The following KIAA1217 variants were observed in gnomAD, a reference collection of about 807,000 sequenced individuals.
KIAA1217 encodes the protein KIAA1217.
KIAA1217 carries 88 observed loss-of-function variants against 163.9 expected under a neutral mutation model. The observed-to-expected ratio is 0.54, with a 90% CI of 0.45 to 0.64. The LOEUF (loss-of-function observed/expected upper bound fraction) is 0.64, where lower values mean the gene tolerates loss of function less well. KIAA1217 is among the 30% of genes least tolerant of loss of function. KIAA1217 has a pLI of 0.00. For missense variants in KIAA1217, 2,372 were observed against 2,475.0 expected, an observed-to-expected ratio of 0.96 and a Z score of 0.88; for synonymous variants, 903 against 923.1, an observed-to-expected ratio of 0.98 and a Z score of 0.39.
chr10:24,531,698 A>C, intron 14 of KIAA1217, 132 bp from the exon 15 acceptor site: 1 of 834,314 alleles, frequency 1.2e-6, no homozygotes, highest in Non-Finnish European at 1.8e-6. Context: ...GGGTCTATAC[A>C]CTTAATCCTT....
chr10:24,128,222 T>G (rs2063534730), intron 2 of KIAA1217, among the ~76,000 whole-genome samples: 1 of 152,178 alleles, frequency 6.6e-6, no homozygotes, highest in Admixed American at 6.5e-5. Context: ...GGCAATAATC[T>G]CTTCCAAAAC....
chr10:23,725,020 C>T (rs529614772), intron 1 of KIAA1217, among the ~76,000 whole-genome samples: 54 of 152,300 alleles, frequency 3.5e-4, no homozygotes, highest in African/African-American at 1.2e-3. Context: ...AGCCTCCCTA[C>T]ACCCAAAACT....
At chr10:23,947,219 A>G (rs1844094834) in intron 1 of KIAA1217, among the ~76,000 whole-genome samples, 2 of 152,184 alleles carry the variant, frequency 1.3e-5, no homozygotes, top group Admixed American at 1.3e-4. Context: ...AATGCACTAT[A>G]TAAGGATTGA....
At chr10:23,927,251 T>C (rs748964297) in intron 1 of KIAA1217, among the ~76,000 whole-genome samples, 1 of 151,882 alleles carries the variant, frequency 6.6e-6, no homozygotes, top group African/African-American at 2.4e-5. Context: ...TGCCTGAAAA[T>C]TTTTACTATA....
intron 1 of KIAA1217, among the ~76,000 whole-genome samples, chr10:23,994,349 G>A (rs1846368337): frequency 6.6e-6 from 1 of 152,170 alleles, no homozygotes; most frequent in African/African-American, 2.4e-5. Context: ...ATCTGATGTA[G>A]TGGAAATCTC....
chr10:24,300,092 C>T (rs1166571150), intron 2 of KIAA1217, among the ~76,000 whole-genome samples: 2 of 152,198 alleles, frequency 1.3e-5, no homozygotes, highest in Admixed American at 6.5e-5. Flanking sequence ...GCCGAGGCTA[C>T]GTACAGAGAG....
intron 2 of KIAA1217, among the ~76,000 whole-genome samples, chr10:24,366,177 G>A (rs2050755473): frequency 6.6e-6 from 1 of 152,100 alleles, no homozygotes; most frequent in African/African-American, 2.4e-5. Flanking sequence ...GGATGCAGTG[G>A]CTCACAAATG....
intron 2 of KIAA1217, among the ~76,000 whole-genome samples, chr10:24,186,218 G>T (rs1210810305): frequency 6.6e-6 from 1 of 152,134 alleles, no homozygotes; most frequent in Non-Finnish European, 1.5e-5. Flanking sequence ...TTGGATGACT[G>T]GGGTTTGGAC....
intron 1 of KIAA1217, among the ~76,000 whole-genome samples, chr10:23,731,250 A>G (rs1838460534): frequency 6.6e-6 from 1 of 152,158 alleles, no homozygotes; most frequent in Admixed American, 6.5e-5. Flanking sequence ...AAATATACAT[A>G]CTCAATAAGC....
chr10:24,058,480 G>A lies in KIAA1217; in HGVS notation c.-171+51106G>A, dbSNP rs1432918341. Among the ~76,000 whole-genome samples the A allele has an allele frequency of 3.3e-5, 5 of 152,176 alleles. No individual in the cohort carries two copies. In the East Asian group the frequency reaches 9.6e-4, roughly 29 times the overall value. ...TTGCATTGAATCTGTAGATTACTGG[G>A]CAGTATGAACACTTTAACAATATTA... On this transcript the variant is annotated intron_variant, in intron 2 of 18. Coordinates refer to the KIAA1217 transcript ENST00000376462.
chr10:24,043,534 T>C (rs189251025), intron 2 of KIAA1217, among the ~76,000 whole-genome samples: 1 of 152,292 alleles, frequency 6.6e-6, no homozygotes, highest in African/African-American at 2.4e-5. Context: ...ATCAATGACA[T>C]GCTTGTATAA....
chr10:24,461,478 C>A (rs1396789749), intron 5 of KIAA1217, among the ~76,000 whole-genome samples: 2 of 152,078 alleles, frequency 1.3e-5, no homozygotes, highest in Non-Finnish European at 2.9e-5. Flanking sequence ...CCTCAGCCTC[C>A]CAAGTAGCTG....
chr10:24,249,093 A>T (rs569782520), intron 2 of KIAA1217, among the ~76,000 whole-genome samples: 1 of 152,348 alleles, frequency 6.6e-6, no homozygotes, highest in African/African-American at 2.4e-5. Flanking sequence ...ACAAATCAGT[A>T]CCTATCTTCA....
At chr10:23,818,078 C>CAT (rs1414873656) in intron 1 of KIAA1217, among the ~76,000 whole-genome samples, 5 of 129,048 alleles carry the variant, frequency 3.9e-5, no homozygotes, top group African/African-American at 1.6e-4. Context: ...TATACACACA[C>CAT]ACATATAGAT....
chr10:23,729,878 C>G (rs1838375636), intron 1 of KIAA1217, among the ~76,000 whole-genome samples: 2 of 151,326 alleles, frequency 1.3e-5, no homozygotes, highest in Middle Eastern at 3.4e-3. Flanking sequence ...CCAAAGTCAT[C>G]TACATTTTCT....
intron 2 of KIAA1217, among the ~76,000 whole-genome samples, chr10:24,135,411 G>C (rs2063797432): frequency 6.6e-6 from 1 of 151,976 alleles, no homozygotes; most frequent in Non-Finnish European, 1.5e-5. Context: ...TTCCGTCTCT[G>C]CTTGCCTCCG....
intron 2 of KIAA1217, among the ~76,000 whole-genome samples, chr10:24,319,102 G>A (rs186400896): frequency 1.4e-4 from 21 of 152,302 alleles, no homozygotes; most frequent in Admixed American, 8.5e-4. Flanking sequence ...TTGGGGCCGG[G>A]CGTGGTGGCT....
chr10:23,984,378 A>G (rs1845886321), intron 1 of KIAA1217, among the ~76,000 whole-genome samples: 1 of 152,180 alleles, frequency 6.6e-6, no homozygotes, highest in African/African-American at 2.4e-5. Flanking sequence ...CAATTTAACT[A>G]TCTCAAAAGC....
chr10:24,360,834 A>G (rs759606636), intron 2 of KIAA1217, among the ~76,000 whole-genome samples: 14 of 152,106 alleles, frequency 9.2e-5, no homozygotes, highest in African/African-American at 1.2e-4. Flanking sequence ...AAAACTCTCA[A>G]ATCAAATCTC....
Sources: allele counts gnomAD v4.1 joint callset (sites outside exome capture counted in the v4.1 genomes callset), GRCh38; gene constraint gnomAD v4.1.1; transcripts MANE v1.5; gene names NCBI Gene and HGNC (gene_info 2026-07-23, HGNC 2026-07-21).